Variants in ZBTB46 observed in about 807,000 individuals in gnomAD.
The protein encoded by ZBTB46 is zinc finger and BTB domain-containing protein 46.
A neutral mutation model predicts 44.1 loss-of-function variants in ZBTB46; 8 were observed. The observed-to-expected ratio is 0.18, with a 90% CI of 0.11 to 0.33. The LOEUF is 0.33. ZBTB46 is among the 10% of genes least tolerant of loss of function. ZBTB46 has a pLI of 1.00. For synonymous variants in ZBTB46, 409 were observed against 382.3 expected (o/e 1.07, Z -0.81); for missense variants, 651 against 847.7 (o/e 0.77, Z 2.88).
intron 1 of ZBTB46, among the ~76,000 whole-genome samples, chr20:63,799,965 G>C (rs915800945): frequency 6.6e-6 from 1 of 152,146 alleles, no homozygotes; most frequent in African/African-American, 2.4e-5. Context: ...AAAACCACCT[G>C]TCCAGACAGA....
At chr20:63,808,363 A>C (rs2092695714) in intron 1 of ZBTB46, among the ~76,000 whole-genome samples, 1 of 152,164 alleles carries the variant, frequency 6.6e-6, no homozygotes, top group Non-Finnish European at 1.5e-5. Context: ...GAGGGCCCGG[A>C]AGGCAGACGC....
At chr20:63,781,315 C>G (rs565869994) in intron 2 of ZBTB46, among the ~76,000 whole-genome samples, 1 of 152,212 alleles carries the variant, frequency 6.6e-6, no homozygotes, top group Non-Finnish European at 1.5e-5. Context: ...GGAAGAGACC[C>G]AGATGTGGAG....
At chr20:63,792,616 T>C (rs2092570574) in intron 1 of ZBTB46, among the ~76,000 whole-genome samples, 1 of 152,070 alleles carries the variant, frequency 6.6e-6, no homozygotes, top group Non-Finnish European at 1.5e-5. Flanking sequence ...CCCAGGTTCA[T>C]GCCATTCTCC....
intron 2 of ZBTB46, among the ~76,000 whole-genome samples, chr20:63,778,242 G>A (rs1286686650): frequency 6.6e-6 from 1 of 152,168 alleles, no homozygotes; most frequent in African/African-American, 2.4e-5. Context: ...AAAAGGTGAC[G>A]ACTTGAGTCA....
intron 2 of ZBTB46, 147 bp downstream of exon 2, chr20:63,789,674 G>T (rs764302504): frequency 2.2e-6 from 3 of 1,358,284 alleles, no homozygotes; most frequent in Non-Finnish European, 2.0e-6. Context: ...CATTCCCAGC[G>T]GTCACGACAA....
Position 63,797,761 on chromosome 20 carries a change from G to A in ZBTB46, c.-33-6971C>T, listed in dbSNP as rs138993071. Among the ~76,000 whole-genome samples the A allele has an allele frequency of 1.8e-4, 28 of 152,342 alleles. No individual in the cohort carries two copies. In the East Asian group the frequency reaches 5.4e-3, roughly 29 times the overall value. ...CATTTCTCTCACGGCCAGTGATGAT[G>A]AGCAGTTTTTCATCTGTCTGTTGGC... On this transcript the variant is annotated intron_variant, in intron 1 of 4. Coordinates refer to ENST00000245663, the MANE Select transcript of ZBTB46 (RefSeq NM_001369741.1).
At chr20:63,765,120 CGTGT>C (rs780310039) in intron 3 of ZBTB46, among the ~76,000 whole-genome samples, 127 of 149,082 alleles carry the variant, frequency 8.5e-4, no homozygotes, top group African/African-American at 1.7e-3. Flanking sequence ...TGTGTGTGTG[CGTGT>C]GTGTGTGTGT....
chr20:63,761,465 C>T (rs75931537), intron 3 of ZBTB46, among the ~76,000 whole-genome samples: 157 of 152,200 alleles, frequency 1.0e-3, no homozygotes, highest in Non-Finnish European at 1.8e-3. Flanking sequence ...AGTTTTGATA[C>T]AGCATTTTTT....
At position 63,767,065 on chromosome 20, in the gene ZBTB46, G is replaced by A. The variant is rs79567409; in HGVS notation, c.1222+8613C>T. Among the ~76,000 whole-genome samples the A allele has an allele frequency of 8.2e-4, 125 of 152,354 alleles. 2 individuals are homozygous for A. In the East Asian group the frequency reaches 0.018, roughly 22 times the overall value. On this transcript the variant is annotated intron_variant, in intron 3 of 4. Transcript: ENST00000245663. The surrounding 1 kb of genome is among the most constrained non-coding windows in gnomAD (Gnocchi z 5.0). ...TGACATTGAACCTAACACGTCCGAC[G>A]AGGACGGGCAAGGGCACCGCGGGGC...
At chr20:63,833,764 C>T (rs542789203), upstream of ZBTB46, among the ~76,000 whole-genome samples, 2 of 152,316 alleles carry the variant, frequency 1.3e-5, no homozygotes, top group East Asian at 3.9e-4. Context: ...GAAGGTCAAG[C>T]AGCCTGGAGA....
At chr20:63,755,974 G>A (rs977268696) in intron 3 of ZBTB46, among the ~76,000 whole-genome samples, 1 of 152,222 alleles carries the variant, frequency 6.6e-6, no homozygotes, top group South Asian at 2.1e-4. Context: ...GATGCTATCA[G>A]AGCTGGCGTG....
intron 1 of ZBTB46, among the ~76,000 whole-genome samples, chr20:63,829,528 G>A (rs1273565464): frequency 6.6e-6 from 1 of 152,228 alleles, no homozygotes; most frequent in Non-Finnish European, 1.5e-5. Context: ...AAGATGTCTA[G>A]CTTTTTAGGG....
intron 3 of ZBTB46, among the ~76,000 whole-genome samples, chr20:63,765,553 C>T (rs1464178198): frequency 6.6e-6 from 1 of 152,234 alleles, no homozygotes; most frequent in Non-Finnish European, 1.5e-5. Context: ...CTCGGCCTGC[C>T]GAGTACCTGG....
At chr20:63,747,576 G>T (rs866769786) in intron 4 of ZBTB46, among the ~76,000 whole-genome samples, 4 of 148,562 alleles carry the variant, frequency 2.7e-5, no homozygotes, top group South Asian at 2.2e-4. Flanking sequence ...GTTGGGGTTG[G>T]GGGGGCACAG....
intron 1 of ZBTB46, chr20:63,815,012 G>A (rs59051880): frequency 0.014 from 2,330 of 166,130 alleles, 60 homozygotes; most frequent in African/African-American, 0.053. Flanking sequence ...AGGCTGCAGT[G>A]AGCTGAGATT....
rs746178681 is a variant in ZBTB46, at chr20:63,747,012, G to T, written c.1688C>A (p.Ala563Glu). ...CGAGTCTTCCTCATCCTTGTCGTCC[G>T]CCAACAGCGCATCCTCAGGGGCCAG... is the stretch of plus-strand genomic sequence containing the variant. ...EGLAPEDALL[A>E]DDKDEEDSPR... Residue 563 changes from alanine to glutamate, a missense_variant, in exon 5 of 5, where the codon GCG becomes GAG. Around this residue, in one of 5 missense-constraint regions of ZBTB46, gnomAD observed 106 missense variants for 81.0 expected, o/e 1.31. Coordinates refer to ENST00000245663, the MANE Select transcript of ZBTB46 (RefSeq NM_001369741.1). 2.5e-6 allele frequency: 4 copies of T among 1,607,816 alleles called. No individual in the cohort carries two copies. Among genetic ancestry groups the T allele is most frequent in the Non-Finnish European group, 1.7e-6 (2 of 1,179,538 alleles).
intron 2 of ZBTB46, among the ~76,000 whole-genome samples, chr20:63,789,147 G>A (rs2092539573): frequency 6.6e-6 from 1 of 151,636 alleles, no homozygotes; most frequent in South Asian, 2.1e-4. Flanking sequence ...AAGAAAAAGA[G>A]AAAAGAGAGG....
chr20:63,770,391 G>A (rs955537070), intron 3 of ZBTB46, among the ~76,000 whole-genome samples: 12 of 152,158 alleles, frequency 7.9e-5, no homozygotes, highest in African/African-American at 2.7e-4. Flanking sequence ...AGGAATAAAA[G>A]TAAGCACGAA....
intron 1 of ZBTB46, among the ~76,000 whole-genome samples, chr20:63,800,860 C>T (rs1052628211): frequency 6.6e-6 from 1 of 152,234 alleles, no homozygotes; most frequent in Non-Finnish European, 1.5e-5. Flanking sequence ...CTGACGAGTG[C>T]CCCTCCCTGC....
Sources: allele counts gnomAD v4.1 joint callset (sites outside exome capture counted in the v4.1 genomes callset), GRCh38; gene constraint gnomAD v4.1.1; regional missense constraint gnomAD v4.1.1; non-coding constraint Gnocchi (gnomAD v3.1); transcripts MANE v1.5; gene names NCBI Gene and HGNC (gene_info 2026-07-23, HGNC 2026-07-21).